The following WWOX variants were observed in gnomAD, a reference collection of about 807,000 sequenced individuals.
WWOX encodes WW domain-containing oxidoreductase.
In WWOX, 69 loss-of-function variants were observed where a neutral mutation model predicts 46.2. That is an observed-to-expected ratio of 1.49 (90% CI 1.23 to 1.82). WWOX has a LOEUF of 1.82. Ranked by LOEUF, WWOX falls within the 40% of genes most tolerant of loss-of-function variation. The pLI is 0.00. For synonymous variants in WWOX, 359 were observed against 202.6 expected (o/e 1.77, Z -6.56); for missense variants, 919 against 542.6 (o/e 1.69, Z -6.89).
chr16:78,412,119 T>C lies in WWOX; in HGVS notation c.606-12751T>C, dbSNP rs73571062. 9.9e-3 allele frequency among the ~76,000 whole-genome samples: 1,500 copies of C among 152,272 alleles called. 23 individuals are homozygous for C. The highest frequency in any genetic ancestry group is 0.033 in the African/African-American group (1,364 of 41,560). ...CCTACCTCTGTGGAGAAGTAGGGGA[T>C]GGCACGGTATTTTAGGGGTTCCTAA... On this transcript the variant is annotated intron_variant, in intron 6 of 8. Coordinates refer to ENST00000566780, the MANE Select transcript of WWOX (RefSeq NM_016373.4).
intron 8 of WWOX, among the ~76,000 whole-genome samples, chr16:79,152,711 A>G (rs1196323233): frequency 6.6e-6 from 1 of 151,482 alleles, no homozygotes. Flanking sequence ...CTGCCCAGCC[A>G]TGCCCAAACA....
chr16:78,513,800 A>G (rs548114302), intron 8 of WWOX, among the ~76,000 whole-genome samples: 9 of 152,106 alleles, frequency 5.9e-5, no homozygotes, highest in Middle Eastern at 3.2e-3. Context: ...ACCACTTACC[A>G]TCCACCTGCA....
rs551722314 is a variant in WWOX at position 78,685,027 on chromosome 16, C to T, written c.1056+252275C>T. Reference sequence around the variant, plus strand: ...TTCTGGGGTGTCCTTTGGCCACAATCCTCAGGATTATTTTTTCTCTGTGCT... The same window carrying T: ...TTCTGGGGTGTCCTTTGGCCACAATTCTCAGGATTATTTTTTCTCTGTGCT... On this transcript the variant is annotated intron_variant, in intron 8 of 8. Coordinates refer to ENST00000566780, the MANE Select transcript of WWOX (RefSeq NM_016373.4). Among the ~76,000 whole-genome samples, 192 of 152,242 alleles carry T rather than the reference C, an allele frequency of 1.3e-3. 1 individual carries two copies. The highest frequency in any genetic ancestry group is 2.3e-3 in the Non-Finnish European group (158 of 68,018).
chr16:78,311,068 A>G (rs1435436483), intron 5 of WWOX, among the ~76,000 whole-genome samples: 2 of 152,236 alleles, frequency 1.3e-5, no homozygotes, highest in Non-Finnish European at 2.9e-5. Flanking sequence ...ATAGTCTCCC[A>G]GAAGCTATGG....
chr16:79,174,481 T>G (rs186427176), intron 8 of WWOX, among the ~76,000 whole-genome samples: 17 of 152,228 alleles, frequency 1.1e-4, no homozygotes, highest in African/African-American at 3.6e-4. Flanking sequence ...AAACCCCGTC[T>G]CTACTAAAAA....
intron 8 of WWOX, among the ~76,000 whole-genome samples, chr16:78,567,552 C>CAAAAAAAAAAAAA (rs71272440): frequency 3.8e-5 from 2 of 52,130 alleles, no homozygotes; most frequent in Admixed American, 2.7e-4. Context: ...GACTCCGTCT[C>CAAAAAAAAAAAAA]AAAAAAAAAA....
chr16:78,316,896 CCATTTATCTTTGTGAATT>C (rs752806956), intron 5 of WWOX, among the ~76,000 whole-genome samples: 4 of 152,162 alleles, frequency 2.6e-5, no homozygotes, highest in African/African-American at 4.8e-5. Context: ...GCTGAAACTA[CCATTTATCTTTGTGAATT>C]CATTATTCGT....
intron 8 of WWOX, among the ~76,000 whole-genome samples, chr16:78,993,439 C>A (rs974029378): frequency 6.6e-6 from 1 of 152,124 alleles, no homozygotes; most frequent in Non-Finnish European, 1.5e-5. Flanking sequence ...CATGACAGTG[C>A]GGCTGGATAA....
At chr16:78,790,410 C>G (rs1469577663) in intron 8 of WWOX, among the ~76,000 whole-genome samples, 3 of 152,136 alleles carry the variant, frequency 2.0e-5, no homozygotes, top group Non-Finnish European at 4.4e-5. Flanking sequence ...GCTGGGATTA[C>G]AGGTGTGAGC....
At chr16:78,410,850 C>G (rs904933853) in intron 6 of WWOX, among the ~76,000 whole-genome samples, 3 of 150,284 alleles carry the variant, frequency 2.0e-5, no homozygotes, top group African/African-American at 7.3e-5. Context: ...CCAAGGTCAT[C>G]TCAAGTCTTG....
At chr16:78,656,549 C>T (rs190026611) in intron 8 of WWOX, among the ~76,000 whole-genome samples, 119 of 152,258 alleles carry the variant, frequency 7.8e-4, no homozygotes, top group African/African-American at 2.7e-3. Context: ...AGGTACTACC[C>T]ACTTTTAAAC....
intron 8 of WWOX, among the ~76,000 whole-genome samples, chr16:79,154,808 A>G (rs113998692): frequency 1.3e-5 from 2 of 152,290 alleles, no homozygotes; most frequent in East Asian, 3.9e-4. Flanking sequence ...ACCTCTGAGC[A>G]TGAACCATGA....
At chr16:78,144,629 C>G (rs1232735222) in intron 4 of WWOX, among the ~76,000 whole-genome samples, 1 of 146,686 alleles carries the variant, frequency 6.8e-6, no homozygotes, top group Non-Finnish European at 1.5e-5. Flanking sequence ...TCAAGCAATT[C>G]TCCTGCCTCA....
At chr16:78,328,870 T>C (rs2080694611) in intron 5 of WWOX, among the ~76,000 whole-genome samples, 2 of 152,078 alleles carry the variant, frequency 1.3e-5, no homozygotes, top group East Asian at 1.9e-4. Context: ...TTCTCTTCTC[T>C]TCTTTTCTTT....
At chr16:78,259,715 G>A (rs74433867) in intron 5 of WWOX, among the ~76,000 whole-genome samples, 1 of 151,432 alleles carries the variant, frequency 6.6e-6, no homozygotes, top group African/African-American at 2.4e-5. Context: ...TGGATGGGAA[G>A]AACAATTGAT....
chr16:78,846,471 C>T (rs2052301773), intron 8 of WWOX, among the ~76,000 whole-genome samples: 1 of 151,914 alleles, frequency 6.6e-6, no homozygotes, highest in Admixed American at 6.6e-5. Context: ...GAGTTCCGGT[C>T]AGTTATTTTG....
intron 5 of WWOX, among the ~76,000 whole-genome samples, chr16:78,385,532 G>A (rs1016827096): frequency 6.6e-6 from 1 of 152,152 alleles, no homozygotes; most frequent in African/African-American, 2.4e-5. Flanking sequence ...TTTTCTAGCT[G>A]TCACTGCCTG....
chr16:79,054,646 A>G (rs1028980815), intron 8 of WWOX, among the ~76,000 whole-genome samples: 20 of 152,206 alleles, frequency 1.3e-4, no homozygotes, highest in African/African-American at 4.8e-4. Flanking sequence ...ACATAGTGAG[A>G]CCTTGTCTCT....
At chr16:79,104,678 T>C (rs2049271861) in intron 8 of WWOX, among the ~76,000 whole-genome samples, 1 of 152,218 alleles carries the variant, frequency 6.6e-6, no homozygotes, top group Admixed American at 6.5e-5. Flanking sequence ...GGTCATGATG[T>C]GTAATCCCCG....
Sources: gnomAD v4.1 joint callset for allele counts (sites outside exome capture counted in the v4.1 genomes callset) on GRCh38, gnomAD v4.1.1 for gene constraint, MANE v1.5 for transcripts, NCBI Gene and HGNC (gene_info 2026-07-23, HGNC 2026-07-21) for gene names.